The following TBC1D30 variants were observed in gnomAD, a reference collection of about 807,000 sequenced individuals.
The protein encoded by TBC1D30 is TBC1 domain family member 30.
In TBC1D30, 31 loss-of-function variants were observed where a neutral mutation model predicts 63.2. The ratio of observed to expected loss-of-function variants is 0.49; its 90% CI spans 0.37 to 0.66. The LOEUF (loss-of-function observed/expected upper bound fraction) is 0.66. Ranked by LOEUF, TBC1D30 falls within the 30% of genes least tolerant of loss-of-function variation. The pLI is 0.00. For synonymous variants in TBC1D30, 307 were observed against 361.5 expected, an observed-to-expected ratio of 0.85 and a Z score of 1.71; for missense variants, 810 against 953.6, an observed-to-expected ratio of 0.85 and a Z score of 1.98.
Position 64,875,786 on chromosome 12 carries a change from T to C in TBC1D30, c.2284T>C (p.Ter762ArgextTer24). 1 of 1,527,600 alleles carries C rather than the reference T, an allele frequency of 6.5e-7. No homozygotes were observed. The highest frequency in any genetic ancestry group is 8.8e-7 in the Non-Finnish European group (1 of 1,142,838). 94.6% of individuals were successfully genotyped at this position (1,527,600 alleles called of 1,614,324 possible). Residue 762 changes from the stop codon to arginine (R), a stop_lost, in exon 12 of 12, where the codon TGA becomes CGA. Transcript: ENST00000539867. ...TGGAAACAGTGGCACTAAAAAACGA[T>C]GATGTCTCCCCGAAACTTTGTATCT... ...GGGNSGTKKR[*>R]
chr12:64,844,972 T>C (rs943789871), intron 8 of TBC1D30, among the ~76,000 whole-genome samples: 2 of 152,220 alleles, frequency 1.3e-5, no homozygotes, highest in African/African-American at 4.8e-5. Context: ...GGCTGAATAG[T>C]ACTCCATATT....
At chr12:64,842,087 A>G (rs1166425568) in intron 7 of TBC1D30, among the ~76,000 whole-genome samples, 1 of 152,122 alleles carries the variant, frequency 6.6e-6, no homozygotes, top group African/African-American at 2.4e-5. Context: ...GCTGGGTGCC[A>G]TGGCTCATGC....
At chr12:64,828,378 A>C (rs1276964110) in intron 2 of TBC1D30, 66 bp from the exon 3 acceptor site, 5 of 1,194,518 alleles carry the variant, frequency 4.2e-6, no homozygotes, top group Non-Finnish European at 4.8e-6. Flanking sequence ...CAAGATGGGA[A>C]AAAGATTGCA....
chr12:64,807,395 G>A (rs1024604856), intron 2 of TBC1D30, among the ~76,000 whole-genome samples: 3 of 152,192 alleles, frequency 2.0e-5, no homozygotes, highest in Admixed American at 6.5e-5. Flanking sequence ...ATACAGAGAG[G>A]AATGGAGAGT....
chr12:64,829,975 C>T (rs1394203945), intron 3 of TBC1D30, among the ~76,000 whole-genome samples: 7 of 152,208 alleles, frequency 4.6e-5, no homozygotes, highest in Non-Finnish European at 7.3e-5. Flanking sequence ...AAGCCCCATT[C>T]ACCATGAGTG....
At position 64,788,613 on chromosome 12, in the gene TBC1D30, C is replaced by T. The variant is rs139243573; in HGVS notation, c.643+2568C>T. 3.5e-3 allele frequency among the ~76,000 whole-genome samples: 531 copies of T among 152,244 alleles called. 2 individuals are homozygous for T. The highest frequency in any genetic ancestry group is 6.8e-3 in the Middle Eastern group (2 of 294). On this transcript the variant is annotated intron_variant, in intron 2 of 12. Transcript: ENST00000542120. ...TTTATATAAGGACTGGCATTTATGTCATTTTAGAAAAATGTGCCCACAAGC... is the reference window on the plus strand; with the variant it reads ...TTTATATAAGGACTGGCATTTATGTTATTTTAGAAAAATGTGCCCACAAGC...
rs1013103379 is a variant in TBC1D30, at chr12:64,880,682, A to G, written c.*4894A>G. On this transcript the variant is annotated 3_prime_UTR_variant, in exon 12 of 12. Transcript: ENST00000539867. ...CCTGGTCGTTTGCTCTGGTGAGACC[A>G]AATGACCTGCAAAGTGTCACTTGAT... 15 of 152,250 alleles carry G rather than the reference A, an allele frequency of 9.9e-5. No homozygotes were observed. Among genetic ancestry groups the G allele is most frequent in the African/African-American group, 3.6e-4 (15 of 41,464 alleles). The allele number at this position is 152,250 out of a possible 1,614,324, so 9.4% of individuals were successfully genotyped here.
At chr12:64,785,910 G>C in exon 2 of TBC1D30, 1 of 1,289,778 alleles carries the variant, frequency 7.8e-7, no homozygotes, top group Non-Finnish European at 1.0e-6. Flanking sequence ...GATCCTTCGA[G>C]AGCTAAAGTA....
chr12:64,823,086 T>C (rs1358317429), upstream of TBC1D30, among the ~76,000 whole-genome samples: 1 of 152,130 alleles, frequency 6.6e-6, no homozygotes, highest in Non-Finnish European at 1.5e-5. Flanking sequence ...CATATAAATA[T>C]ATAATTGTAA....
intron 8 of TBC1D30, among the ~76,000 whole-genome samples, chr12:64,859,234 G>A (rs1774389542): frequency 6.6e-6 from 1 of 152,138 alleles, no homozygotes; most frequent in Non-Finnish European, 1.5e-5. Context: ...CTGCATAAGT[G>A]TGAGGGGGAC....
intron 1 of TBC1D30, among the ~76,000 whole-genome samples, chr12:64,766,840 A>C (rs913946876): frequency 6.6e-6 from 1 of 152,220 alleles, no homozygotes; most frequent in African/African-American, 2.4e-5. Flanking sequence ...AAATAATACA[A>C]GTATGTTCTC....
chr12:64,778,642 C>T (rs1393666658), upstream of TBC1D30, among the ~76,000 whole-genome samples: 3 of 150,212 alleles, frequency 2.0e-5, no homozygotes, highest in South Asian at 2.1e-4. Flanking sequence ...CTGCAACCTC[C>T]GCCTCCTGGG....
rs1303977769 is a variant in TBC1D30 at position 64,790,564 on chromosome 12, G to T, written c.643+4519G>T. Among the ~76,000 whole-genome samples the T allele has an allele frequency of 3.3e-5, 5 of 152,076 alleles. 1 individual carries two copies. Among genetic ancestry groups the T allele is most frequent in the Non-Finnish European group, 7.4e-5 (5 of 67,990 alleles). ...TCACTTGAAAACTGAAAAAAAACATGAACAAAATGTGAATATATGCAGAAA... is the reference window on the plus strand; with the variant it reads ...TCACTTGAAAACTGAAAAAAAACATTAACAAAATGTGAATATATGCAGAAA... On this transcript the variant is annotated intron_variant, in intron 2 of 12. Transcript: ENST00000542120.
Position 64,875,457 on chromosome 12 carries a change from T to C in TBC1D30, c.1955T>C (p.Val652Ala). The C allele has an allele frequency of 6.5e-7, 1 of 1,536,084 alleles. No individual in the cohort carries two copies. The highest frequency in any genetic ancestry group is 1.4e-5 in the African/African-American group (1 of 73,088). Residue 652 changes from valine to alanine, a missense_variant, in exon 12 of 12, where the codon GTT (valine) becomes GCT (alanine). Val to Ala is a moderately conservative substitution (Grantham distance 64). This residue lies in a region of TBC1D30 where 450 missense variants were observed against 473.0 expected (regional missense o/e 0.95). Transcript: ENST00000539867. ...GATGCTGATGTGGATGTGTCTGCAG[T>C]TCAGGCGAAGTTGGGAGCCCTGGAA... is the stretch of plus-strand genomic sequence containing the variant. ...FGDADVDVSA[V>A]QAKLGALELN...
chr12:64,821,866 G>A (rs1873908622), upstream of TBC1D30, among the ~76,000 whole-genome samples: 1 of 152,208 alleles, frequency 6.6e-6, no homozygotes, highest in African/African-American at 2.4e-5. Context: ...AATTAGTCAT[G>A]ACCAGCTTAA....
chr12:64,773,673 T>TGATA (rs1870982834), intron 1 of TBC1D30, among the ~76,000 whole-genome samples: 1 of 152,124 alleles, frequency 6.6e-6, no homozygotes, highest in East Asian at 1.9e-4. Context: ...CCTTCACTGG[T>TGATA]GATACTTCCA....
chr12:64,836,434 G>A (rs1592613781), intron 5 of TBC1D30, 56 bp from the exon 6 acceptor site: 6 of 1,380,104 alleles, frequency 4.3e-6, no homozygotes, highest in African/African-American at 2.9e-5. Flanking sequence ...TCTTTAGGAC[G>A]TGTTGGGATC....
intron 2 of TBC1D30, among the ~76,000 whole-genome samples, chr12:64,807,947 G>T (rs978769774): frequency 2.4e-5 from 1 of 42,180 alleles, no homozygotes; most frequent in African/African-American, 1.6e-4. Flanking sequence ...TAGAGCTGGG[G>T]TCTTCCTATG....
intron 8 of TBC1D30, among the ~76,000 whole-genome samples, chr12:64,855,295 C>T (rs1239260714): frequency 6.6e-6 from 1 of 151,958 alleles, no homozygotes; most frequent in Non-Finnish European, 1.5e-5. Flanking sequence ...TGTAAAACGC[C>T]TTGAGGGAGT....
Sources: allele counts gnomAD v4.1 joint callset (sites outside exome capture counted in the v4.1 genomes callset), GRCh38; gene constraint gnomAD v4.1.1; regional missense constraint gnomAD v4.1.1; transcripts MANE v1.5; gene names NCBI Gene and HGNC (gene_info 2026-07-23, HGNC 2026-07-21).